The following C1orf141 variants were observed in gnomAD, a reference collection of about 807,000 sequenced individuals.
The protein encoded by C1orf141 is uncharacterized protein C1orf141.
A neutral mutation model predicts 23.2 loss-of-function variants in C1orf141; 19 were observed. The ratio of observed to expected loss-of-function variants is 0.82; its 90% CI spans 0.57 to 1.20. C1orf141 has a LOEUF of 1.20. C1orf141 is among the 50% of genes most tolerant of loss of function. The pLI is 0.00. For synonymous variants in C1orf141, 153 were observed against 154.6 expected, an observed-to-expected ratio of 0.99 and a Z score of 0.08; for missense variants, 469 against 455.1, an observed-to-expected ratio of 1.03 and a Z score of -0.28.
chr1:67,103,618 T>C (rs1210871011), intron 5 of C1orf141, among the ~76,000 whole-genome samples: 6 of 152,122 alleles, frequency 3.9e-5, no homozygotes, highest in Non-Finnish European at 5.9e-5. Context: ...CTGCTTATGC[T>C]CACATTTTTT....
At chr1:67,138,266 C>T (rs1312417164), upstream of C1orf141, among the ~76,000 whole-genome samples, 1 of 152,226 alleles carries the variant, frequency 6.6e-6, no homozygotes, top group African/African-American at 2.4e-5. Flanking sequence ...TGATCACTAC[C>T]TGTTATCCCT....
At chr1:67,097,425 C>G (rs1212986427) in intron 5 of C1orf141, among the ~76,000 whole-genome samples, 1 of 152,078 alleles carries the variant, frequency 6.6e-6, no homozygotes, top group Non-Finnish European at 1.5e-5. Flanking sequence ...GCAGAGGAAA[C>G]AGCAAGTGTG....
chr1:67,106,987 G>C (rs541885753), intron 5 of C1orf141, among the ~76,000 whole-genome samples: 1 of 152,156 alleles, frequency 6.6e-6, no homozygotes, highest in South Asian at 2.1e-4. Context: ...GGAGACTCTT[G>C]TCCCCTTTAC....
At chr1:67,121,871 A>C (rs1646305717) in intron 4 of C1orf141, 1 of 152,214 alleles carries the variant, frequency 6.6e-6, no homozygotes, top group African/African-American at 2.4e-5. Context: ...AGGAGTAATC[A>C]AATTGCTGAC....
intron 3 of C1orf141, among the ~76,000 whole-genome samples, chr1:67,126,766 A>T (rs1429998728): frequency 2.6e-5 from 4 of 152,234 alleles, no homozygotes; most frequent in South Asian, 2.1e-4. Flanking sequence ...ACTCAAACCA[A>T]ATCTTGCGGC....
intron 1 of C1orf141, among the ~76,000 whole-genome samples, chr1:67,133,601 A>C (rs1473431716): frequency 6.6e-6 from 1 of 152,208 alleles, no homozygotes; most frequent in South Asian, 2.1e-4. Flanking sequence ...CCAGGATCTC[A>C]GACTGTGATT....
chr1:67,103,310 T>C, intron 5 of C1orf141: 1 of 1,495,650 alleles, frequency 6.7e-7, no homozygotes. Context: ...GAAAAGTCTG[T>C]AGAACCCAGT....
intron 5 of C1orf141, among the ~76,000 whole-genome samples, chr1:67,101,140 G>T (rs547332833): frequency 4.3e-4 from 65 of 152,038 alleles, no homozygotes; most frequent in Non-Finnish European, 7.2e-4. Flanking sequence ...GTTATCGTTG[G>T]TCACAGTCCA....
Position 67,123,565 on chromosome 1 carries a change from T to C in C1orf141, c.233+2187A>G, listed in dbSNP as rs189191179. The C allele has an allele frequency of 1.4e-4, 21 of 152,284 alleles. 1 individual carries two copies. The highest frequency in any genetic ancestry group is 1.5e-5 in the Non-Finnish European group (1 of 68,034). 9.4% of individuals were successfully genotyped at this position (152,284 alleles called of 1,614,324 possible). A position where few individuals can be genotyped will look rare whatever the true frequency, so the allele number is the denominator to read the frequency against. On this transcript the variant is annotated intron_variant, in intron 4 of 7. Transcript: ENST00000684719. ...GAAGCAGATAGAATTGTAGGATAGATAAAATGGATATAAAGTTTCCTTCTA... is the reference window on the plus strand; with the variant it reads ...GAAGCAGATAGAATTGTAGGATAGACAAAATGGATATAAAGTTTCCTTCTA...
chr1:67,134,107 G>T (rs1184971692), intron 1 of C1orf141, among the ~76,000 whole-genome samples: 1 of 152,140 alleles, frequency 6.6e-6, no homozygotes, highest in Admixed American at 6.6e-5. Flanking sequence ...AGGTTCAAGC[G>T]ATTCTCCTGC....
In C1orf141 at chr1:67,093,330, A is replaced by G. The variant is rs988290219; in HGVS notation, c.878T>C (p.Val293Ala). 1.2e-6 allele frequency: 2 copies of G among 1,613,774 alleles called. No individual in the cohort carries two copies. The highest frequency in any genetic ancestry group is 2.7e-5 in the African/African-American group (2 of 75,040). The change falls in exon 8 of 8, where the codon GTA (valine) becomes GCA (alanine). Residue 293 changes from valine to alanine, a missense_variant. Physicochemically the swap from Val to Ala is moderately conservative, Grantham distance 64 (BLOSUM62 0). This residue lies in a region of C1orf141 where 370 missense variants were observed against 348.1 expected (regional missense o/e 1.06). Coordinates refer to ENST00000684719, the MANE Select transcript of C1orf141 (RefSeq NM_001276351.2). ...AGTTTTCTTCTTTAGTTTATCATCT[A>G]CAGTTGTGTGGCCCGCTTTAAAAGA... ...PMSFKAGHTT[V>A]DDKLKKKTNK...
Position 67,125,819 on chromosome 1 carries a change from T to C in C1orf141, c.166A>G (p.Thr56Ala). Reference sequence around the variant, plus strand: ...TTTGATATTGCCTTAGACGCGGATGTAGCAAGAGCTTCTTCAAATTCCAAC... The same window carrying C: ...TTTGATATTGCCTTAGACGCGGATGCAGCAAGAGCTTCTTCAAATTCCAAC... ...FQLEFEEALA[T>A]SASKAISKIK... Residue 56 changes from threonine (T) to alanine (A), a missense_variant, in exon 4 of 8, where the codon ACA (threonine) becomes GCA (alanine). Physicochemically the swap from Thr to Ala is moderately conservative, Grantham distance 58. Coordinates refer to ENST00000684719, the MANE Select transcript of C1orf141 (RefSeq NM_001276351.2). 1 of 1,613,548 alleles carries C rather than the reference T, an allele frequency of 6.2e-7. No homozygotes were observed. Among genetic ancestry groups the C allele is most frequent in the Non-Finnish European group, 8.5e-7 (1 of 1,179,866 alleles).
In C1orf141 at chr1:67,125,804, C is replaced by A; in HGVS notation, c.181G>T (p.Ala61Ser). ...EEALATSASK[A>S]ISKIKEDKSC... ...TTGTCTTCTTTGATCTTTGATATTGCCTTAGACGCGGATGTAGCAAGAGCT... is the reference window on the plus strand; with the variant it reads ...TTGTCTTCTTTGATCTTTGATATTGACTTAGACGCGGATGTAGCAAGAGCT... The change falls in exon 4 of 8, where the codon GCA becomes TCA. Residue 61 changes from alanine (A) to serine (S), a missense_variant. Ala to Ser is a moderately conservative substitution (Grantham distance 99, BLOSUM62 1). Around this residue, in one of 3 missense-constraint regions of C1orf141, gnomAD observed 95 missense variants for 90.3 expected, o/e 1.05. Transcript: ENST00000684719. The A allele has an allele frequency of 6.2e-7, 1 of 1,613,638 alleles. No homozygotes were observed. The highest frequency in any genetic ancestry group is 8.5e-7 in the Non-Finnish European group (1 of 1,179,838).
At chr1:67,106,139 T>C (rs879090806) in intron 5 of C1orf141, among the ~76,000 whole-genome samples, 2 of 152,140 alleles carry the variant, frequency 1.3e-5, no homozygotes, top group African/African-American at 4.8e-5. Flanking sequence ...ATCAAGATAA[T>C]TGACTGCTAG....
chr1:67,113,828 C>T (rs1358573134), intron 5 of C1orf141: 3 of 547,244 alleles, frequency 5.5e-6, no homozygotes, highest in Non-Finnish European at 9.5e-6. Flanking sequence ...TGATTAGTAA[C>T]AGCCCTCCTG....
rs200518928 is a variant in C1orf141, at chr1:67,115,334, T to A, written c.346+18A>T. On this transcript the variant is annotated intron_variant, in intron 5 of 7. Transcript: ENST00000684719. ...CATTAATAAATCAAAGAAGTAAATA[T>A]GTTACACAAAGCATTACCTGTTGAC... The A allele has an allele frequency of 4.6e-4, 408 of 880,442 alleles. 4 individuals are homozygous for A. In the East Asian group the frequency reaches 8.8e-3, roughly 19 times the overall value. 54.5% of individuals were successfully genotyped at this position (880,442 alleles called of 1,614,324 possible).
At chr1:67,123,843 T>A (rs1263853321) in intron 4 of C1orf141, 1 of 152,186 alleles carries the variant, frequency 6.6e-6, no homozygotes, top group African/African-American at 2.4e-5. Flanking sequence ...TAGATGCCTA[T>A]GGGCATCTAA....
chr1:67,126,225 T>C (rs908628374), intron 3 of C1orf141, among the ~76,000 whole-genome samples: 1 of 152,174 alleles, frequency 6.6e-6, no homozygotes, highest in Non-Finnish European at 1.5e-5. Context: ...TTTAGATACA[T>C]AGAGTTCTTG....
chr1:67,095,379 G>T lies in C1orf141; in HGVS notation c.459C>A (p.Asn153Lys). The change falls in exon 7 of 8, where the codon AAC (asparagine) becomes AAA (lysine). Residue 153 changes from asparagine (N) to lysine (K), a missense_variant. By Grantham distance (94) the Asn-to-Lys change is moderately conservative. Around this residue, in one of 3 missense-constraint regions of C1orf141, gnomAD observed 370 missense variants for 348.1 expected, o/e 1.06. Coordinates refer to ENST00000684719, the MANE Select transcript of C1orf141 (RefSeq NM_001276351.2). ...TTAATTGATAATTTCTGACCGATTT[G>T]TTTTCTTTTATATTAAAATCGTTCA... The part of the protein sequence containing the change: ...PQMNDFNIKE[N>K]KSVRNYQLSK... The T allele has an allele frequency of 1.3e-6, 2 of 1,562,844 alleles. No homozygotes were observed. The highest frequency in any genetic ancestry group is 8.7e-7 in the Non-Finnish European group (1 of 1,148,264).
Sources: allele counts gnomAD v4.1 joint callset (sites outside exome capture counted in the v4.1 genomes callset), GRCh38; gene constraint gnomAD v4.1.1; regional missense constraint gnomAD v4.1.1; transcripts MANE v1.5; gene names NCBI Gene and HGNC (gene_info 2026-07-23, HGNC 2026-07-21).